FBXO15: variants seen among roughly 807,000 people sequenced by gnomAD.
The protein encoded by FBXO15 is F-box only protein 15.
A neutral mutation model predicts 49.5 loss-of-function variants in FBXO15; 30 were observed. The ratio of observed to expected loss-of-function variants is 0.61; its 90% CI spans 0.45 to 0.82. The LOEUF (loss-of-function observed/expected upper bound fraction) is 0.82, where lower values mean the gene tolerates loss of function less well. FBXO15 is among the 40% of genes least tolerant of loss of function. FBXO15 has a pLI of 0.00. For synonymous variants in FBXO15, 250 were observed against 232.7 expected, an observed-to-expected ratio of 1.07 and a Z score of -0.68; for missense variants, 591 against 631.5, an observed-to-expected ratio of 0.94 and a Z score of 0.69.
chr18:74,087,508 T>TAAGATAACTTA (rs1180709846), intron 8 of FBXO15, among the ~76,000 whole-genome samples: 1 of 152,230 alleles, frequency 6.6e-6, no homozygotes, highest in African/African-American at 2.4e-5. Flanking sequence ...TTCTGTTCAT[T>TAAGATAACTTA]AGTTCACTTA....
At chr18:74,076,415 C>G (rs890313733) in intron 9 of FBXO15, 4 of 152,232 alleles carry the variant, frequency 2.6e-5, no homozygotes, top group African/African-American at 9.7e-5. Flanking sequence ...AGAGCTGTCT[C>G]ACTCCTTTTA....
intron 5 of FBXO15, among the ~76,000 whole-genome samples, chr18:74,127,498 C>A (rs79084641): frequency 0.044 from 6,710 of 152,290 alleles, 202 homozygotes; most frequent in East Asian, 0.12. Context: ...TGTTGAAAAA[C>A]TTCTCATAGA....
intron 8 of FBXO15, among the ~76,000 whole-genome samples, chr18:74,120,409 T>A (rs1374604147): frequency 1.3e-5 from 2 of 152,110 alleles, no homozygotes; most frequent in African/African-American, 4.8e-5. Context: ...CCAAAATAGA[T>A]CATATTCTGG....
At chr18:74,130,265 T>G (rs745404246) in intron 4 of FBXO15, 151 bp downstream of exon 4, 2 of 1,087,408 alleles carry the variant, frequency 1.8e-6, no homozygotes, top group East Asian at 4.9e-5. Context: ...CAGAAGGCTA[T>G]GCGGAATAGG....
intron 8 of FBXO15, among the ~76,000 whole-genome samples, chr18:74,107,603 A>C (rs929429308): frequency 6.6e-6 from 1 of 152,130 alleles, no homozygotes; most frequent in Non-Finnish European, 1.5e-5. Flanking sequence ...AAAAAAAGGG[A>C]AACCTGAGCT....
At position 74,117,603 on chromosome 18, in the gene FBXO15, T is replaced by C. The variant is rs1599166183; in HGVS notation, c.1138+5765A>G. On this transcript the variant is annotated intron_variant, in intron 8 of 9. Coordinates refer to ENST00000419743, the MANE Select transcript of FBXO15 (RefSeq NM_001142958.2). Reference sequence around the variant, plus strand: ...CCTGAGTGCAGACTGTGCCACCTACTAGCTTTACAGAACACAGACCTGACT... The same window carrying C: ...CCTGAGTGCAGACTGTGCCACCTACCAGCTTTACAGAACACAGACCTGACT... Among the ~76,000 whole-genome samples the C allele has an allele frequency of 2.0e-5, 3 of 152,112 alleles. No individual in the cohort carries two copies. The South Asian group carries it at 6.2e-4, about 32-fold the overall frequency.
At chr18:74,125,776 A>G (rs1293139504) in intron 6 of FBXO15, among the ~76,000 whole-genome samples, 199 bp downstream of exon 6, 3 of 152,238 alleles carry the variant, frequency 2.0e-5, no homozygotes, top group African/African-American at 7.2e-5. Flanking sequence ...GTTGTCTATC[A>G]TAGCAGAACA....
Position 74,123,459 on chromosome 18 carries a change from A to G in FBXO15, c.1047T>C (p.Tyr349=), listed in dbSNP as rs536436369. ...CATGGAGTTGGTAGCCGTGCAGTCC[A>G]TACTCGGGGCTATCATCCAAAAAGG... The part of the protein sequence containing the change: ...HSPFLDDSPE[Y]GLHGYQLHVD... Residue 349 remains tyrosine, a synonymous_variant, in exon 8 of 10, where the codon TAT becomes TAC. Coordinates refer to ENST00000419743, the MANE Select transcript of FBXO15 (RefSeq NM_001142958.2). 6.2e-7 allele frequency: 1 copy of G among 1,613,944 alleles called. No homozygotes were observed. The highest frequency in any genetic ancestry group is 1.1e-5 in the South Asian group (1 of 91,048).
Position 74,123,367 on chromosome 18 carries a change from C to T in FBXO15, c.1138+1G>A, listed in dbSNP as rs1599171998. ...TGAAATAAAAACTCAATCAATTTCA[C>T]CTCTCTTGGTGAAGAGATTGCGAAA... On this transcript the variant is annotated splice_donor_variant, in intron 8 of 9. Coordinates refer to ENST00000419743, the MANE Select transcript of FBXO15 (RefSeq NM_001142958.2). LOFTEE classifies it high-confidence loss of function. 6.3e-7 allele frequency: 1 copy of T among 1,596,408 alleles called. No individual in the cohort carries two copies. Among genetic ancestry groups the T allele is most frequent in the Non-Finnish European group, 8.5e-7 (1 of 1,175,692 alleles).
chr18:74,126,232 G>A (rs1321811504), intron 5 of FBXO15, 131 bp from the exon 6 acceptor site: 1 of 1,229,124 alleles, frequency 8.1e-7, no homozygotes, highest in East Asian at 2.4e-5. Flanking sequence ...TAAGTGGCAT[G>A]TTGGCAGGGT....
At chr18:74,144,913 A>G (rs534357292) in intron 1 of FBXO15, among the ~76,000 whole-genome samples, 1 of 152,336 alleles carries the variant, frequency 6.6e-6, no homozygotes, top group East Asian at 1.9e-4. Flanking sequence ...ATTACTGTGA[A>G]AACACCAGTG....
chr18:74,092,888 G>T (rs537533302), intron 8 of FBXO15, among the ~76,000 whole-genome samples: 1 of 152,264 alleles, frequency 6.6e-6, no homozygotes, highest in East Asian at 1.9e-4. Flanking sequence ...ACAGCAGGGT[G>T]CATGCTTGTC....
rs747074763 is a variant in FBXO15 at position 74,129,434 on chromosome 18, G to A, written c.756C>T (p.Thr252=). The change falls in exon 5 of 10, where the codon ACC becomes ACT. Residue 252 remains threonine (T), a synonymous_variant. Coordinates refer to ENST00000419743, the MANE Select transcript of FBXO15 (RefSeq NM_001142958.2). ...GTTTGGTGGGAGTTTTATACCAGTC[G>A]GTAAAAACTGGTGTCATGCCACATA... ...LDLCGMTPVF[T]DWYKTPTKHR... The A allele has an allele frequency of 2.0e-5, 32 of 1,613,640 alleles. No homozygotes were observed. The highest frequency in any genetic ancestry group is 1.5e-4 in the Admixed American group (9 of 59,978).
chr18:74,077,873 C>T (rs935374708), intron 9 of FBXO15, among the ~76,000 whole-genome samples: 1 of 152,158 alleles, frequency 6.6e-6, no homozygotes, highest in African/African-American at 2.4e-5. Flanking sequence ...CACACCCCAC[C>T]ACCCTGCACG....
intron 8 of FBXO15, among the ~76,000 whole-genome samples, chr18:74,091,676 T>C (rs1184839135): frequency 6.6e-6 from 1 of 152,254 alleles, no homozygotes; most frequent in African/African-American, 2.4e-5. Flanking sequence ...AAATTCTTAG[T>C]TGAAAATTAT....
intron 8 of FBXO15, among the ~76,000 whole-genome samples, chr18:74,093,661 T>A (rs1270703993): frequency 6.6e-6 from 1 of 152,246 alleles, no homozygotes; most frequent in African/African-American, 2.4e-5. Context: ...AGGCCCCACT[T>A]CTAACTGTAG....
At chr18:74,132,070 C>T (rs994712020) in intron 3 of FBXO15, among the ~76,000 whole-genome samples, 1 of 152,188 alleles carries the variant, frequency 6.6e-6, no homozygotes, top group South Asian at 2.1e-4. Context: ...AGTCATTTCT[C>T]ACTCTGCAAA....
chr18:74,075,004 C>G lies in FBXO15; in HGVS notation c.1264-1274G>C, dbSNP rs1399280718. Among the ~76,000 whole-genome samples the G allele has an allele frequency of 6.6e-6, 1 of 152,184 alleles. No homozygotes were observed. Among genetic ancestry groups the G allele is most frequent in the African/African-American group, 2.4e-5 (1 of 41,446 alleles). On this transcript the variant is annotated intron_variant, in intron 9 of 9. Transcript: ENST00000419743. This position sits in a 1 kb window ranked among gnomAD's most constrained non-coding sequence, Gnocchi z 4.1. ...AGGGCCAGGTCCAGCAAAACCCCAG[C>G]CCCAGAGGAGCGCAGTTATTTTCTA...
At chr18:74,096,579 G>A (rs1333705212) in intron 8 of FBXO15, among the ~76,000 whole-genome samples, 1 of 151,198 alleles carries the variant, frequency 6.6e-6, no homozygotes, top group Non-Finnish European at 1.5e-5. Context: ...ATCATTCAGT[G>A]GAAAGATATA....
Sources: allele counts gnomAD v4.1 joint callset (sites outside exome capture counted in the v4.1 genomes callset), GRCh38; gene constraint gnomAD v4.1.1; non-coding constraint Gnocchi (gnomAD v3.1); transcripts MANE v1.5; gene names NCBI Gene and HGNC (gene_info 2026-07-23, HGNC 2026-07-21).